The following NGEF variants were observed in gnomAD, a reference collection of about 807,000 sequenced individuals.
NGEF encodes ephexin-1.
In NGEF, 31 loss-of-function variants were observed where a neutral mutation model predicts 80.9. That is an observed-to-expected ratio of 0.38 (90% CI 0.29 to 0.52). NGEF has a LOEUF of 0.52. Among genes scored for constraint, NGEF ranks in the 20% least tolerant of loss-of-function variants. NGEF has a pLI of 0.84. For synonymous variants in NGEF, 371 were observed against 370.2 expected, an observed-to-expected ratio of 1.00 and a Z score of -0.03; for missense variants, 709 against 926.2, an observed-to-expected ratio of 0.77 and a Z score of 3.04.
At chr2:232,969,298 T>G (rs1458094726) in intron 3 of NGEF, among the ~76,000 whole-genome samples, 1 of 150,008 alleles carries the variant, frequency 6.7e-6, no homozygotes. Context: ...TTTTTTTTAA[T>G]GGGGTCTTGC....
intron 3 of NGEF, chr2:232,928,252 G>T (rs191373913): frequency 0.46 from 381,835 of 835,428 alleles, 87,349 homozygotes; most frequent in Non-Finnish European, 0.47. Context: ...GCGGCGGCGG[G>T]GCGGGGGCGC....
chr2:232,915,136 G>A (rs1426682765), intron 5 of NGEF, among the ~76,000 whole-genome samples: 1 of 152,148 alleles, frequency 6.6e-6, no homozygotes, highest in African/African-American at 2.4e-5. Context: ...TTGAACAGGA[G>A]TCCTCTGGGT....
At chr2:232,955,117 G>C (rs1313623349) in intron 3 of NGEF, among the ~76,000 whole-genome samples, 1 of 152,192 alleles carries the variant, frequency 6.6e-6, no homozygotes, top group Non-Finnish European at 1.5e-5. Flanking sequence ...TCCAGAGCTT[G>C]CAGTCTTTTT....
intron 4 of NGEF, among the ~76,000 whole-genome samples, chr2:232,924,218 C>G (rs1575019381): frequency 6.6e-6 from 1 of 152,132 alleles, no homozygotes; most frequent in African/African-American, 2.4e-5. Context: ...GTCTGGGTGA[C>G]AGAGTGAGGC....
At chr2:233,011,586 T>C (rs1241180431) in intron 1 of NGEF, among the ~76,000 whole-genome samples, 1 of 53,318 alleles carries the variant, frequency 1.9e-5, no homozygotes, top group South Asian at 5.8e-4. Context: ...CTTAAAGCAA[T>C]GAAAAAAAAA....
intron 5 of NGEF, among the ~76,000 whole-genome samples, chr2:232,913,850 G>A (rs543440588): frequency 4.6e-5 from 7 of 152,276 alleles, no homozygotes; most frequent in African/African-American, 1.7e-4. Context: ...AACCTGGGAG[G>A]CAGAGGTTGC....
Position 232,899,670 on chromosome 2 carries a change from G to A in NGEF, c.829-4754C>T, listed in dbSNP as rs1226190281. ...CGTTCACTCACATTCACTCACACAT[G>A]CTCTCACAGTCACTCATACACACAT... On this transcript the variant is annotated intron_variant, in intron 5 of 14. Transcript: ENST00000264051. Among the ~76,000 whole-genome samples the A allele has an allele frequency of 9.0e-5, 8 of 88,538 alleles. 1 individual carries two copies. The highest frequency in any genetic ancestry group is 1.5e-4 in the Non-Finnish European group (7 of 45,416). 58.1% of individuals were successfully genotyped at this position (88,538 alleles called of 152,430 possible).
chr2:232,894,159 C>CT (rs1310765131), intron 6 of NGEF, among the ~76,000 whole-genome samples: 2 of 152,236 alleles, frequency 1.3e-5, no homozygotes, highest in Non-Finnish European at 2.9e-5. Flanking sequence ...GATTTGGTTC[C>CT]TTTCCTTTTC....
At chr2:232,956,213 C>T (rs555253566) in intron 3 of NGEF, among the ~76,000 whole-genome samples, 1 of 152,114 alleles carries the variant, frequency 6.6e-6, no homozygotes, top group Admixed American at 6.5e-5. Context: ...AGTGGTTGTC[C>T]CTGAAGGGAC....
intron 3 of NGEF, among the ~76,000 whole-genome samples, chr2:232,953,406 T>C (rs1337583658): frequency 1.3e-5 from 2 of 150,408 alleles, no homozygotes; most frequent in Non-Finnish European, 3.0e-5. Flanking sequence ...CCTGTTGATA[T>C]TGTTCAGTTT....
At chr2:232,965,826 G>A (rs1694048370) in intron 3 of NGEF, among the ~76,000 whole-genome samples, 1 of 151,996 alleles carries the variant, frequency 6.6e-6, no homozygotes, top group Non-Finnish European at 1.5e-5. Flanking sequence ...ACATCAATGT[G>A]CTCACCAAAA....
intron 1 of NGEF, among the ~76,000 whole-genome samples, chr2:232,976,165 C>A (rs1005932773): frequency 2.6e-5 from 4 of 152,168 alleles, no homozygotes; most frequent in African/African-American, 9.7e-5. Flanking sequence ...CTTGCCACTG[C>A]ACTCCAGCCT....
At chr2:232,935,623 C>CA (rs916476098) in intron 3 of NGEF, among the ~76,000 whole-genome samples, 32 of 149,880 alleles carry the variant, frequency 2.1e-4, no homozygotes, top group South Asian at 4.2e-4. Context: ...ATTTCAAAAA[C>CA]AAAAAAAAAG....
chr2:232,883,355 G>C lies in NGEF; in HGVS notation c.1713C>G (p.Asn571Lys), dbSNP rs138129440. Residue 571 changes from asparagine (N) to lysine (K), a missense_variant, in exon 12 of 15, where the codon AAC (asparagine) becomes AAG (lysine). Transcript: ENST00000264051. ...ANVFILRLLE[N>K]ADDREATYML... ...TGTAGGTGGCCTCCCGGTCATCTGC[G>C]TTCTCCAGCAGCCGCAGGATGAACA... The C allele has an allele frequency of 1.2e-6, 2 of 1,612,532 alleles. No homozygotes were observed. The highest frequency in any genetic ancestry group is 1.7e-6 in the Non-Finnish European group (2 of 1,179,358).
chr2:232,927,619 C>A (rs1156733212), intron 3 of NGEF, among the ~76,000 whole-genome samples: 1 of 152,056 alleles, frequency 6.6e-6, no homozygotes, highest in Non-Finnish European at 1.5e-5. Flanking sequence ...AAGGGGATGC[C>A]GAGCGGGACG....
intron 3 of NGEF, among the ~76,000 whole-genome samples, chr2:232,948,683 G>A (rs566777268): frequency 6.6e-6 from 1 of 152,260 alleles, no homozygotes; most frequent in African/African-American, 2.4e-5. Context: ...GGGAAAACAA[G>A]TATTTACAGA....
chr2:232,960,160 A>C (rs13001834), intron 3 of NGEF, among the ~76,000 whole-genome samples: 19,780 of 152,320 alleles, frequency 0.13, 1,391 homozygotes, highest in East Asian at 0.16. Flanking sequence ...TATCCAGAAA[A>C]ATGGCCCCAC....
rs531205960 is a variant in NGEF, at chr2:233,011,770, A to T, written c.-75+1298T>A. Among the ~76,000 whole-genome samples the T allele has an allele frequency of 4.2e-4, 63 of 151,646 alleles. 1 individual carries two copies. In the South Asian group the frequency reaches 0.013, roughly 31 times the overall value. On this transcript the variant is annotated intron_variant, in intron 1 of 14. Coordinates refer to ENST00000264051, the MANE Select transcript of NGEF (RefSeq NM_019850.3). ...TTCTTAAAGCAATTCATCTTCCCCC[A>T]TGTCTAGCCTCATCTGTGTCCCCAG...
intron 3 of NGEF, among the ~76,000 whole-genome samples, chr2:232,938,132 C>A (rs1693364233): frequency 6.6e-6 from 1 of 152,146 alleles, no homozygotes; most frequent in South Asian, 2.1e-4. Flanking sequence ...GGCTTAATTG[C>A]TGAAGACTGG....
Sources: gnomAD v4.1 joint callset for allele counts (sites outside exome capture counted in the v4.1 genomes callset) on GRCh38, gnomAD v4.1.1 for gene constraint, MANE v1.5 for transcripts, NCBI Gene and HGNC (gene_info 2026-07-23, HGNC 2026-07-21) for gene names.